The following SRGAP1 variants were observed in gnomAD, a reference collection of about 807,000 sequenced individuals.
The protein encoded by SRGAP1 is SLIT-ROBO Rho GTPase activating protein 1.
SRGAP1 carries 43 observed loss-of-function variants against 121.9 expected under a neutral mutation model. The observed-to-expected ratio is 0.35, with a 90% confidence interval of 0.28 to 0.46. The LOEUF (loss-of-function observed/expected upper bound fraction) is 0.46. Among genes scored for constraint, SRGAP1 ranks in the 20% least tolerant of loss-of-function variants. The pLI is 1.00. For synonymous variants in SRGAP1, 447 were observed against 485.4 expected, an observed-to-expected ratio of 0.92 and a Z score of 1.04; for missense variants, 1,102 against 1,350.9, an observed-to-expected ratio of 0.82 and a Z score of 2.89.
chr12:63,953,045 A>G (rs977024166), intron 1 of SRGAP1, among the ~76,000 whole-genome samples: 44 of 152,346 alleles, frequency 2.9e-4, no homozygotes, highest in African/African-American at 1.0e-3. Flanking sequence ...GGAGAAAGAC[A>G]TCAAGAGAAT....
chr12:64,079,826 G>A (rs1488191140), intron 9 of SRGAP1, among the ~76,000 whole-genome samples: 1 of 152,138 alleles, frequency 6.6e-6, no homozygotes, highest in Non-Finnish European at 1.5e-5. Context: ...AGGCTCCCAA[G>A]GGTTGGCTGA....
At chr12:63,931,228 A>G (rs1382770758) in intron 1 of SRGAP1, among the ~76,000 whole-genome samples, 1 of 152,226 alleles carries the variant, frequency 6.6e-6, no homozygotes, top group African/African-American at 2.4e-5. Context: ...GATACAGTAC[A>G]GTGGAGTAAT....
At chr12:64,082,870 T>C (rs11175255) in intron 10 of SRGAP1, among the ~76,000 whole-genome samples, 17,636 of 152,224 alleles carry the variant, frequency 0.12, 1,207 homozygotes, top group South Asian at 0.28. Context: ...CTGGATAGCT[T>C]TCATCCATCA....
intron 1 of SRGAP1, among the ~76,000 whole-genome samples, chr12:63,932,570 A>C (rs2031518212): frequency 1.3e-5 from 2 of 152,218 alleles, no homozygotes; most frequent in Non-Finnish European, 2.9e-5. Context: ...GAATTCTTTT[A>C]ATAAATAATA....
At chr12:64,091,813 A>ACC (rs5798729) in intron 12 of SRGAP1, 1,085,058 of 1,085,104 alleles carry the variant, frequency 1, 542,506 homozygotes, top group Middle Eastern at 1. Flanking sequence ...GAATTGTAAG[A>ACC]CTATGATCTA....
At chr12:63,920,850 G>C (rs2136326871) in intron 1 of SRGAP1, among the ~76,000 whole-genome samples, 1 of 152,242 alleles carries the variant, frequency 6.6e-6, no homozygotes, top group South Asian at 2.1e-4. Context: ...TGACGAAATG[G>C]GAAAGACCTT....
At chr12:63,900,560 C>G (rs1049743680) in intron 1 of SRGAP1, among the ~76,000 whole-genome samples, 1 of 151,850 alleles carries the variant, frequency 6.6e-6, no homozygotes, top group Admixed American at 6.6e-5. Context: ...CACCTGTAAT[C>G]GCAGCACTTT....
At position 63,982,208 on chromosome 12, in the gene SRGAP1, C is replaced by G. The variant is rs181992446; in HGVS notation, c.68-1739C>G. On this transcript the variant is annotated intron_variant, in intron 1 of 21. Coordinates refer to ENST00000355086, the MANE Select transcript of SRGAP1 (RefSeq NM_020762.4). ...CCTGGGAGACAGAGCAAGACTCCGT[C>G]TCAAAACAAAAACAAAAACAAAAAC... Among the ~76,000 whole-genome samples the G allele has an allele frequency of 3.7e-3, 555 of 148,886 alleles. 4 individuals are homozygous for G. The highest frequency in any genetic ancestry group is 0.013 in the African/African-American group (531 of 39,782).
intron 1 of SRGAP1, among the ~76,000 whole-genome samples, chr12:63,910,490 A>G (rs1325838949): frequency 4.6e-5 from 7 of 152,164 alleles, no homozygotes; most frequent in South Asian, 2.1e-4. Flanking sequence ...GAGTAACACA[A>G]TGTAGTTACA....
chr12:64,068,210 T>C (rs941397461), intron 8 of SRGAP1, among the ~76,000 whole-genome samples: 5 of 145,908 alleles, frequency 3.4e-5, no homozygotes, highest in African/African-American at 1.3e-4. Flanking sequence ...ACCCGGGAGA[T>C]TGCAGTGAAC....
At chr12:64,034,424 C>T (rs1327254254) in intron 4 of SRGAP1, among the ~76,000 whole-genome samples, 2 of 152,044 alleles carry the variant, frequency 1.3e-5, no homozygotes, top group African/African-American at 2.4e-5. Context: ...TATAAATTAC[C>T]CAGTCTCAGG....
intron 1 of SRGAP1, chr12:63,983,565 A>G (rs2033306792): frequency 2.0e-5 from 3 of 151,876 alleles, no homozygotes; most frequent in African/African-American, 7.3e-5. Flanking sequence ...AATAGGAGTC[A>G]TAGCCAGACA....
intron 14 of SRGAP1, among the ~76,000 whole-genome samples, chr12:64,097,011 T>G (rs2036167977): frequency 6.6e-6 from 1 of 152,184 alleles, no homozygotes; most frequent in South Asian, 2.1e-4. Flanking sequence ...TTGTAAGGGA[T>G]TATTTAGTAG....
At chr12:63,964,600 A>T (rs1356548034) in intron 1 of SRGAP1, among the ~76,000 whole-genome samples, 1 of 152,020 alleles carries the variant, frequency 6.6e-6, no homozygotes, top group African/African-American at 2.4e-5. Flanking sequence ...ATTACGCTTG[A>T]GGCCTATATA....
chr12:63,995,118 T>C (rs554199712), intron 3 of SRGAP1, among the ~76,000 whole-genome samples: 1 of 152,348 alleles, frequency 6.6e-6, no homozygotes, highest in African/African-American at 2.4e-5. Flanking sequence ...TTAGGTTATC[T>C]CTATGGGTTT....
At chr12:63,845,345 T>G (rs1898868430) in intron 1 of SRGAP1, among the ~76,000 whole-genome samples, 1 of 152,172 alleles carries the variant, frequency 6.6e-6, no homozygotes, top group Non-Finnish European at 1.5e-5. Flanking sequence ...CTATTTCAGA[T>G]ATTTACACCA....
At chr12:64,101,887 G>A (rs960360659) in intron 15 of SRGAP1, among the ~76,000 whole-genome samples, 2 of 152,034 alleles carry the variant, frequency 1.3e-5, no homozygotes, top group East Asian at 1.9e-4. Context: ...ATGAGGAAAC[G>A]GTTTCTTAAG....
At chr12:64,100,432 A>G (rs193041584) in intron 15 of SRGAP1, among the ~76,000 whole-genome samples, 1 of 152,326 alleles carries the variant, frequency 6.6e-6, no homozygotes, top group East Asian at 1.9e-4. Context: ...TATCTCATGT[A>G]AGGGTACCTA....
At chr12:63,963,012 G>A (rs991327676) in intron 1 of SRGAP1, among the ~76,000 whole-genome samples, 2 of 152,112 alleles carry the variant, frequency 1.3e-5, no homozygotes, top group Non-Finnish European at 2.9e-5. Flanking sequence ...TTGCTTTAAT[G>A]TAGCTTCTAG....
Sources: allele counts gnomAD v4.1 joint callset (sites outside exome capture counted in the v4.1 genomes callset), GRCh38; gene constraint gnomAD v4.1.1; transcripts MANE v1.5; gene names NCBI Gene and HGNC (gene_info 2026-07-23, HGNC 2026-07-21).